The following CARM1 variants were observed in gnomAD, a reference collection of about 807,000 sequenced individuals.
CARM1 encodes the protein histone-arginine methyltransferase CARM1.
A neutral mutation model predicts 72.7 loss-of-function variants in CARM1; 14 were observed. The observed-to-expected ratio is 0.19, with a 90% CI of 0.13 to 0.30. The LOEUF (loss-of-function observed/expected upper bound fraction) is 0.30, where lower values mean the gene tolerates loss of function less well. Among genes scored for constraint, CARM1 ranks in the 10% least tolerant of loss-of-function variants. CARM1 has a pLI of 1.00. For missense variants in CARM1, 432 were observed against 833.7 expected (o/e 0.52, Z 5.93); for synonymous variants, 333 against 345.5 (o/e 0.96, Z 0.40).
In CARM1 at chr19:10,921,798, A is replaced by G; in HGVS notation, c.*41A>G. On this transcript the variant is annotated 3_prime_UTR_variant, in exon 16 of 16. Coordinates refer to ENST00000327064, the MANE Select transcript of CARM1 (RefSeq NM_199141.2). ...ACTGACAGCACCAGGAAACCAAATG[A>G]TGTCCCTGCCCGCCGCCCCCGCCGG... 4 of 1,542,872 alleles carry G rather than the reference A, an allele frequency of 2.6e-6. No individual in the cohort carries two copies. The highest frequency in any genetic ancestry group is 3.5e-6 in the Non-Finnish European group (4 of 1,139,538).
chr19:10,888,312 C>T (rs2073956116), intron 1 of CARM1, among the ~76,000 whole-genome samples: 1 of 152,196 alleles, frequency 6.6e-6, no homozygotes, highest in Non-Finnish European at 1.5e-5. Context: ...CCAGTACCTC[C>T]CAGCTGGCTC....
At chr19:10,919,818 CTT>C in intron 9 of CARM1, 57 bp from the exon 10 acceptor site, 1 of 1,523,778 alleles carries the variant, frequency 6.6e-7, no homozygotes, top group Non-Finnish European at 9.1e-7. Context: ...GGCACCCCCT[CTT>C]CTCTCTCGGC....
chr19:10,899,241 C>T (rs2074046514), intron 1 of CARM1, among the ~76,000 whole-genome samples: 1 of 152,194 alleles, frequency 6.6e-6, no homozygotes, highest in Non-Finnish European at 1.5e-5. Context: ...CACAGCCAGG[C>T]TTCACTTGGC....
At chr19:10,878,859 T>A (rs2073881648) in intron 1 of CARM1, among the ~76,000 whole-genome samples, 1 of 150,652 alleles carries the variant, frequency 6.6e-6, no homozygotes, top group Non-Finnish European at 1.5e-5. Flanking sequence ...GGGGCTGCAG[T>A]GCAGTGGTGT....
chr19:10,917,821 G>C (rs1019289293), intron 8 of CARM1, among the ~76,000 whole-genome samples: 4 of 150,518 alleles, frequency 2.7e-5, no homozygotes, highest in Non-Finnish European at 5.9e-5. Context: ...GGGCTCAAGC[G>C]ATTCTCAGAC....
intron 15 of CARM1, 63 bp from the exon 16 acceptor site, chr19:10,921,552 G>A (rs1386330837): frequency 1.3e-6 from 2 of 1,576,464 alleles, no homozygotes; most frequent in African/African-American, 2.7e-5. Flanking sequence ...CTCTCTCTCT[G>A]TGACTCTGCC....
At position 10,920,214 on chromosome 19, in the gene CARM1, A is replaced by G. The variant is rs1371718263; in HGVS notation, c.1197-222A>G. On this transcript the variant is annotated intron_variant, in intron 10 of 15. Transcript: ENST00000327064. The surrounding 1 kb of genome is among the most constrained non-coding windows in gnomAD (Gnocchi z 5.3). ...CTGTGTCTGTCTCTTGGCACATGTC[A>G]GGGTGAGTAGGGATCTCGTGGTTGC... Among the ~76,000 whole-genome samples the G allele has an allele frequency of 6.6e-6, 1 of 151,688 alleles. No homozygotes were observed. The highest frequency in any genetic ancestry group is 1.5e-5 in the Non-Finnish European group (1 of 67,928).
At chr19:10,919,552 G>GC (rs1358649245) in intron 8 of CARM1, 43 bp from the exon 9 acceptor site, 5 of 1,433,714 alleles carry the variant, frequency 3.5e-6, no homozygotes, top group Admixed American at 1.7e-5. Flanking sequence ...TCCCATGCTG[G>GC]CCCTGGCGTC....
intron 1 of CARM1, among the ~76,000 whole-genome samples, chr19:10,900,007 G>A (rs1012708795): frequency 1.1e-4 from 16 of 151,998 alleles, no homozygotes; most frequent in Non-Finnish European, 2.2e-4. Flanking sequence ...GAGCCACCAC[G>A]CCTGGCCCAT....
intron 1 of CARM1, among the ~76,000 whole-genome samples, chr19:10,873,465 G>T (rs937617572): frequency 6.6e-6 from 1 of 151,452 alleles, no homozygotes; most frequent in Admixed American, 6.6e-5. Context: ...GGTGACATGT[G>T]CCTGTCCCAG....
chr19:10,875,676 G>T (rs1169983696), intron 1 of CARM1, among the ~76,000 whole-genome samples: 3 of 151,912 alleles, frequency 2.0e-5, no homozygotes, highest in Non-Finnish European at 2.9e-5. Context: ...TGCCCACCTT[G>T]GCCTCCCAAA....
At chr19:10,919,467 G>A in intron 8 of CARM1, 128 bp from the exon 9 acceptor site, 1 of 687,778 alleles carries the variant, frequency 1.5e-6, no homozygotes, top group East Asian at 2.5e-5. Flanking sequence ...GGCGTGTCTG[G>A]GAAGAGCAAG....
intron 1 of CARM1, among the ~76,000 whole-genome samples, chr19:10,877,250 G>A (rs1220543277): frequency 1.3e-5 from 2 of 152,096 alleles, no homozygotes; most frequent in Admixed American, 6.6e-5. Context: ...GTGTTTCAGC[G>A]GTGCCTGCGT....
chr19:10,897,258 C>T (rs779420493), intron 1 of CARM1, among the ~76,000 whole-genome samples: 4 of 152,172 alleles, frequency 2.6e-5, no homozygotes, highest in Non-Finnish European at 4.4e-5. Context: ...AGAGTAGATA[C>T]TCCCAGAAGT....
At position 10,886,320 on chromosome 19, in the gene CARM1, T is replaced by A. The variant is rs979344790; in HGVS notation, c.220+14398T>A. ...ATCCACCCGCCTCAGCCTCCCAGCC[T>A]GTAGCTGGGATTACAGGCGTGAGCC... is the stretch of plus-strand genomic sequence containing the variant. On this transcript the variant is annotated intron_variant, in intron 1 of 15. Coordinates refer to ENST00000327064, the MANE Select transcript of CARM1 (RefSeq NM_199141.2). Among the ~76,000 whole-genome samples, 17 of 151,768 alleles carry A rather than the reference T, an allele frequency of 1.1e-4. 1 individual carries two copies. The highest frequency in any genetic ancestry group is 4.1e-4 in the African/African-American group (17 of 41,490).
At chr19:10,899,705 A>G (rs1290274003) in intron 1 of CARM1, among the ~76,000 whole-genome samples, 2 of 149,610 alleles carry the variant, frequency 1.3e-5, no homozygotes, top group Non-Finnish European at 3.0e-5. Flanking sequence ...AGTTAGGAAC[A>G]GTTTTCTTTT....
At chr19:10,890,289 C>CA (rs1336762208) in intron 1 of CARM1, among the ~76,000 whole-genome samples, 1 of 141,012 alleles carries the variant, frequency 7.1e-6, no homozygotes, top group Non-Finnish European at 1.5e-5. Flanking sequence ...TTTTTTGAGA[C>CA]AGAGTTTCGC....
At chr19:10,919,702 C>A in intron 9 of CARM1, 22 bp downstream of exon 9, 1 of 1,596,240 alleles carries the variant, frequency 6.3e-7, no homozygotes, top group Non-Finnish European at 8.6e-7. Context: ...CACACTCCAT[C>A]CTCCCAGGCC....
intron 8 of CARM1, chr19:10,919,302 G>T: frequency 2.9e-6 from 1 of 348,886 alleles, no homozygotes; most frequent in Non-Finnish European, 5.2e-6. Flanking sequence ...TCGCTACCAC[G>T]GACAATCTAA....
Sources: allele counts gnomAD v4.1 joint callset (sites outside exome capture counted in the v4.1 genomes callset), GRCh38; gene constraint gnomAD v4.1.1; non-coding constraint Gnocchi (gnomAD v3.1); transcripts MANE v1.5; gene names NCBI Gene and HGNC (gene_info 2026-07-23, HGNC 2026-07-21).